Variants in NR5A2 observed in about 807,000 individuals in gnomAD.
The protein encoded by NR5A2 is CYP7A promoter-binding factor.
NR5A2 carries 26 observed loss-of-function variants against 62.7 expected under a neutral mutation model. That is an observed-to-expected ratio of 0.41 (90% CI 0.30 to 0.58). The LOEUF is 0.58. Ranked by LOEUF, NR5A2 falls within the 20% of genes least tolerant of loss-of-function variation. The pLI is 0.22. For synonymous variants in NR5A2, 246 were observed against 241.7 expected, an observed-to-expected ratio of 1.02 and a Z score of -0.16; for missense variants, 541 against 669.1, an observed-to-expected ratio of 0.81 and a Z score of 2.11.
chr1:200,089,604 A>T (rs565318451), intron 5 of NR5A2, among the ~76,000 whole-genome samples: 59 of 152,244 alleles, frequency 3.9e-4, no homozygotes, highest in Non-Finnish European at 6.6e-4. Context: ...TGAGTAGCTG[A>T]GACTATAGGC....
intron 7 of NR5A2, among the ~76,000 whole-genome samples, chr1:200,149,969 G>A (rs1652983565): frequency 6.6e-6 from 1 of 152,056 alleles, no homozygotes; most frequent in African/African-American, 2.4e-5. Context: ...CAAGTCATTC[G>A]TTCCAGAGTT....
rs566432739 is a variant in NR5A2 at position 200,071,048 on chromosome 1, C to T, written c.1110+22230C>T. ...CAGATATATACGTCCTTTTACAAGT[C>T]GTCCTTTTTAGAGCAATTGACTTCT... On this transcript the variant is annotated intron_variant, in intron 5 of 7. Transcript: ENST00000367362. Among the ~76,000 whole-genome samples, 6 of 152,232 alleles carry T rather than the reference C, an allele frequency of 3.9e-5. No homozygotes were observed. In the East Asian group the frequency reaches 1.2e-3, roughly 29 times the overall value.
chr1:200,057,717 G>A (rs778444078), intron 5 of NR5A2: 3 of 262,246 alleles, frequency 1.1e-5, no homozygotes, highest in South Asian at 3.4e-5. Context: ...TGACCTCAGG[G>A]TGATCTGCCT....
At chr1:200,122,060 G>A (rs545356668) in intron 7 of NR5A2, among the ~76,000 whole-genome samples, 1 of 152,284 alleles carries the variant, frequency 6.6e-6, no homozygotes, top group East Asian at 1.9e-4. Flanking sequence ...TTTGGAAAAT[G>A]TGATAAATAC....
intron 2 of NR5A2, chr1:200,042,923 T>C (rs760530927): frequency 2.7e-5 from 27 of 985,498 alleles, no homozygotes; most frequent in Non-Finnish European, 3.3e-5. Flanking sequence ...CCGCGCGTCG[T>C]GGCGGCCTGA....
intron 6 of NR5A2, among the ~76,000 whole-genome samples, chr1:200,116,562 G>T (rs886664027): frequency 5.9e-5 from 9 of 152,196 alleles, no homozygotes; most frequent in African/African-American, 2.2e-4. Context: ...CCACTGCAAA[G>T]AGCAGCCCAG....
At chr1:200,074,997 G>A (rs1479491033) in intron 5 of NR5A2, among the ~76,000 whole-genome samples, 2 of 152,036 alleles carry the variant, frequency 1.3e-5, no homozygotes, top group African/African-American at 4.8e-5. Context: ...AACTATATGT[G>A]TATTCTGGTG....
intron 5 of NR5A2, among the ~76,000 whole-genome samples, chr1:200,109,918 C>T (rs1450872920): frequency 6.6e-6 from 1 of 152,084 alleles, no homozygotes; most frequent in African/African-American, 2.4e-5. Context: ...GTGTGCACAA[C>T]GATGCCCAGC....
intron 7 of NR5A2, among the ~76,000 whole-genome samples, chr1:200,163,807 A>G (rs1317790277): frequency 6.6e-6 from 1 of 152,140 alleles, no homozygotes; most frequent in East Asian, 1.9e-4. Flanking sequence ...AGACAAATGT[A>G]TGCATAATGT....
At chr1:200,134,008 GATAA>G (rs1038145688) in intron 7 of NR5A2, among the ~76,000 whole-genome samples, 15 of 148,080 alleles carry the variant, frequency 1.0e-4, no homozygotes, top group African/African-American at 3.7e-4. Flanking sequence ...TTAAAAAGTA[GATAA>G]ATAAATTTAA....
intron 5 of NR5A2, among the ~76,000 whole-genome samples, chr1:200,090,278 CCACACCTTTTGG>C (rs1664756133): frequency 6.6e-6 from 1 of 152,138 alleles, no homozygotes; most frequent in Non-Finnish European, 1.5e-5. Flanking sequence ...GCAGTAGTTC[CCACACCTTTTGG>C]TCTCAGGACG....
intron 1 of NR5A2, among the ~76,000 whole-genome samples, chr1:200,038,196 T>TGCTGG (rs1223590376): frequency 6.6e-6 from 1 of 152,224 alleles, no homozygotes; most frequent in African/African-American, 2.4e-5. Flanking sequence ...ATTTTTTAAA[T>TGCTGG]GCTGGGCCTC....
chr1:200,054,942 G>A (rs945035923), intron 5 of NR5A2, among the ~76,000 whole-genome samples: 1 of 151,680 alleles, frequency 6.6e-6, no homozygotes, highest in Admixed American at 6.6e-5. Context: ...TGTTGCCCAG[G>A]CTGGAGTGCA....
At chr1:200,104,059 T>C (rs557003914) in intron 5 of NR5A2, among the ~76,000 whole-genome samples, 8 of 152,224 alleles carry the variant, frequency 5.3e-5, no homozygotes, top group Non-Finnish European at 7.4e-5. Flanking sequence ...AGGTCCTTTG[T>C]GCTGCATTGG....
At chr1:200,145,071 G>C (rs1019959473) in intron 7 of NR5A2, among the ~76,000 whole-genome samples, 3 of 152,116 alleles carry the variant, frequency 2.0e-5, no homozygotes, top group Non-Finnish European at 4.4e-5. Flanking sequence ...CAGCACTTTG[G>C]GAGGCTGAGG....
chr1:200,039,810 C>A lies in NR5A2; in HGVS notation c.202+15C>A. On this transcript the variant is annotated intron_variant, in intron 2 of 7. Coordinates refer to ENST00000367362, the MANE Select transcript of NR5A2 (RefSeq NM_205860.3). The surrounding 1 kb of genome is among the most constrained non-coding windows in gnomAD (Gnocchi z 5.1). ...AAACATGCAAGGTAAGGAGGCGCCGCGCGGCGCTCCGGCTCCCGCTGCTTC... is the reference window on the plus strand; with the variant it reads ...AAACATGCAAGGTAAGGAGGCGCCGAGCGGCGCTCCGGCTCCCGCTGCTTC... The A allele has an allele frequency of 6.3e-7, 1 of 1,586,452 alleles. No individual in the cohort carries two copies. Among genetic ancestry groups the A allele is most frequent in the Non-Finnish European group, 8.6e-7 (1 of 1,169,160 alleles).
At chr1:200,083,028 C>T (rs1664364362) in intron 5 of NR5A2, among the ~76,000 whole-genome samples, 1 of 151,904 alleles carries the variant, frequency 6.6e-6, no homozygotes, top group Non-Finnish European at 1.5e-5. Context: ...TAACACTTAT[C>T]TTTATTTAAA....
intron 7 of NR5A2, among the ~76,000 whole-genome samples, chr1:200,127,677 A>AC (rs1491504942): frequency 7.3e-5 from 1 of 13,632 alleles, no homozygotes; most frequent in East Asian, 1.9e-3. Context: ...ACTCTGTCTC[A>AC]AAAAAAAAAA....
At chr1:200,154,219 TTG>T (rs1289381772) in intron 7 of NR5A2, among the ~76,000 whole-genome samples, 2 of 152,046 alleles carry the variant, frequency 1.3e-5, no homozygotes, top group East Asian at 1.9e-4. Flanking sequence ...AGTCCTGAAG[TTG>T]TGTGTGTGTG....
Sources: allele counts gnomAD v4.1 joint callset (sites outside exome capture counted in the v4.1 genomes callset), GRCh38; gene constraint gnomAD v4.1.1; non-coding constraint Gnocchi (gnomAD v3.1); transcripts MANE v1.5; gene names NCBI Gene and HGNC (gene_info 2026-07-23, HGNC 2026-07-21).